Variants in MYO3A observed in about 807,000 individuals in gnomAD.
The protein encoded by MYO3A is myosin-IIIa.
MYO3A carries 180 observed loss-of-function variants against 192.7 expected under a neutral mutation model. The ratio of observed to expected loss-of-function variants is 0.93; its 90% CI spans 0.83 to 1.06. The LOEUF (loss-of-function observed/expected upper bound fraction) is 1.06, where lower values mean the gene tolerates loss of function less well. MYO3A is among the 50% of genes least tolerant of loss of function. The probability of loss-of-function intolerance (pLI) is 0.00; values close to 1 mark genes in which losing one functional copy is unlikely to be tolerated. For missense variants in MYO3A, 1,896 were observed against 1,905.0 expected, an observed-to-expected ratio of 1.00 and a Z score of 0.09; for synonymous variants, 628 against 645.3, an observed-to-expected ratio of 0.97 and a Z score of 0.41.
At position 26,089,881 on chromosome 10, in the gene MYO3A, A is replaced by G. The variant is rs188849230; in HGVS notation, c.1562+1476A>G. Among the ~76,000 whole-genome samples the G allele has an allele frequency of 1.6e-3, 246 of 152,308 alleles. 2 individuals carry two copies. Among genetic ancestry groups the G allele is most frequent in the South Asian group, 7.1e-3 (34 of 4,820 alleles). On this transcript the variant is annotated intron_variant, in intron 15 of 34. Transcript: ENST00000642920. ...ATGAATGGCATATATTAAGAACCCC[A>G]TAAGTTTAAGCCATTAGTAGTAATA... is the stretch of plus-strand genomic sequence containing the variant.
chr10:26,028,014 A>G (rs1842633560), intron 10 of MYO3A, among the ~76,000 whole-genome samples: 1 of 152,200 alleles, frequency 6.6e-6, no homozygotes, highest in South Asian at 2.1e-4. Flanking sequence ...CCAGAAACAT[A>G]TCACTATTTA....
chr10:26,008,858 C>T (rs1356693399), intron 6 of MYO3A, among the ~76,000 whole-genome samples: 2 of 151,838 alleles, frequency 1.3e-5, no homozygotes, highest in African/African-American at 2.4e-5. Context: ...TACCATTTGA[C>T]CCAGCCATCC....
chr10:26,155,764 T>A (rs1841074578), intron 25 of MYO3A, among the ~76,000 whole-genome samples: 1 of 152,238 alleles, frequency 6.6e-6, no homozygotes, highest in African/African-American at 2.4e-5. Context: ...CATTTCACTT[T>A]ACATCAGAAA....
chr10:26,173,760 A>G lies in MYO3A; in HGVS notation c.3496A>G (p.Thr1166Ala), dbSNP rs1448231554. Residue 1166 changes from threonine (T) to alanine (A), a missense_variant, in exon 30 of 35, where the codon ACT becomes GCT. Transcript: ENST00000642920. ...NNKGSVSVVKTSTFKPEEETT... is the reference protein window; with the variant it reads ...NNKGSVSVVKASTFKPEEETT... ...TAAAGGAAGTGTATCTGTAGTGAAG[A>G]CTTCCACTTTCAAACCTGAAGAGGA... is the stretch of plus-strand genomic sequence containing the variant. The G allele has an allele frequency of 6.2e-7, 1 of 1,614,124 alleles. No individual in the cohort carries two copies. Among genetic ancestry groups the G allele is most frequent in the Admixed American group, 1.7e-5 (1 of 60,036 alleles).
chr10:26,107,647 G>A (rs1450980358), intron 17 of MYO3A, among the ~76,000 whole-genome samples: 1 of 151,806 alleles, frequency 6.6e-6, no homozygotes, highest in African/African-American at 2.4e-5. Flanking sequence ...AAATTATCAT[G>A]AAATCTTATG....
intron 14 of MYO3A, among the ~76,000 whole-genome samples, chr10:26,082,187 G>T (rs527334302): frequency 2.0e-4 from 31 of 152,102 alleles, no homozygotes; most frequent in Middle Eastern, 6.8e-3. Flanking sequence ...TGAGTAGTAT[G>T]GATATTTTAA....
At chr10:26,205,307 T>C (rs1843861237) in intron 34 of MYO3A, among the ~76,000 whole-genome samples, 1 of 152,134 alleles carries the variant, frequency 6.6e-6, no homozygotes, top group African/African-American at 2.4e-5. Context: ...ACACAATACA[T>C]TTCTATTAAC....
intron 34 of MYO3A, 67 bp from the exon 35 acceptor site, chr10:26,211,776 G>C: frequency 6.2e-7 from 1 of 1,602,862 alleles, no homozygotes; most frequent in Non-Finnish European, 8.5e-7. Context: ...CGCCTAACTC[G>C]GGGTAGGTGG....
intron 6 of MYO3A, among the ~76,000 whole-genome samples, chr10:26,010,459 T>TG (rs1212451670): frequency 9.7e-5 from 14 of 143,724 alleles, no homozygotes; most frequent in African/African-American, 3.6e-4. Flanking sequence ...TGTTTTTTTT[T>TG]TTTTTTTTTT....
chr10:26,173,861 G>C lies in MYO3A; in HGVS notation c.3597G>C (p.Glu1199Asp). 1 of 1,613,772 alleles carries C rather than the reference G, an allele frequency of 6.2e-7. No homozygotes were observed. Among genetic ancestry groups the C allele is most frequent in the Non-Finnish European group, 8.5e-7 (1 of 1,179,930 alleles). Residue 1199 changes from glutamate (E) to aspartate (D), a missense_variant, in exon 30 of 35, where the codon GAG (glutamate) becomes GAC (aspartate). Transcript: ENST00000642920. Reference protein sequence around the residue: ...PKKMNNVYEEEVKQEFYLVGP... With the variant: ...PKKMNNVYEEDVKQEFYLVGP... The stretch of plus-strand genomic sequence containing the variant: ...AAATGAATAATGTGTATGAGGAAGA[G>C]GTTAAGCAAGAATTCTACCTTGTAG...
intron 4 of MYO3A, among the ~76,000 whole-genome samples, chr10:25,995,293 G>A (rs111674158): frequency 0.043 from 6,567 of 152,210 alleles, 181 homozygotes; most frequent in Middle Eastern, 0.068. Context: ...CCAGTTGATC[G>A]AATCAGTTGC....
chr10:26,125,517 AG>A lies in MYO3A; in HGVS notation c.2026del (p.Asp676MetfsTer15), dbSNP rs1564573624. Reference protein sequence around the residue: ...PNTVEKATDVRDAMAKTLYGR... With the variant: ...PNTVEKATDVXDAMAKTLYGR... Reference sequence around the variant, plus strand: ...TACTGTAGAAAAAGCTACCGATGTCAGGGATGCCATGGCTAAAACTTTATAT... The same window carrying A: ...TACTGTAGAAAAAGCTACCGATGTCAGGATGCCATGGCTAAAACTTTATAT... On this transcript the variant is annotated frameshift_variant, in exon 19 of 35. Transcript: ENST00000642920. LOFTEE classifies it high-confidence loss of function. The A allele has an allele frequency of 1.2e-6, 2 of 1,613,984 alleles. No individual in the cohort carries two copies. The highest frequency in any genetic ancestry group is 1.7e-5 in the Admixed American group (1 of 60,014).
chr10:26,091,217 C>T (rs912054822), intron 15 of MYO3A, among the ~76,000 whole-genome samples: 3 of 152,110 alleles, frequency 2.0e-5, no homozygotes, highest in African/African-American at 7.2e-5. Flanking sequence ...AATGAACTCA[C>T]CCTTTCTTTT....
intron 31 of MYO3A, among the ~76,000 whole-genome samples, chr10:26,191,764 G>A (rs576506252): frequency 1.6e-4 from 25 of 152,296 alleles, no homozygotes; most frequent in African/African-American, 6.0e-4. Context: ...TTCACCCTCG[G>A]TTGAAGCTGA....
intron 4 of MYO3A, among the ~76,000 whole-genome samples, chr10:25,970,751 T>C (rs185044346): frequency 1.5e-4 from 23 of 152,096 alleles, no homozygotes; most frequent in African/African-American, 4.3e-4. Context: ...AAAATTATTA[T>C]TGAATTTATA....
At chr10:25,980,709 T>C (rs1198819715) in intron 4 of MYO3A, among the ~76,000 whole-genome samples, 1 of 152,180 alleles carries the variant, frequency 6.6e-6, no homozygotes, top group East Asian at 1.9e-4. Flanking sequence ...AGCAACTGTG[T>C]TTTTAAAACA....
At chr10:26,104,278 C>G (rs1837653567) in intron 17 of MYO3A, among the ~76,000 whole-genome samples, 1 of 152,072 alleles carries the variant, frequency 6.6e-6, no homozygotes, top group Non-Finnish European at 1.5e-5. Flanking sequence ...TCCAAGGTCA[C>G]AAAGATTTAT....
rs142160381 is a variant in MYO3A at position 26,090,305 on chromosome 10, C to T, written c.1562+1900C>T. ...ACATGAACAGAACACTCTGGAGTTA[C>T]ACAATGAGGCCCTGAGCTTGTAACC... On this transcript the variant is annotated intron_variant, in intron 15 of 34. Transcript: ENST00000642920. Among the ~76,000 whole-genome samples the T allele has an allele frequency of 2.4e-4, 36 of 152,296 alleles. No homozygotes were observed. The East Asian group carries it at 4.0e-3, about 17-fold the overall frequency.
chr10:26,052,879 C>A (rs553004656), intron 10 of MYO3A, among the ~76,000 whole-genome samples: 1 of 151,964 alleles, frequency 6.6e-6, no homozygotes, highest in Admixed American at 6.6e-5. Context: ...CTATATTAAC[C>A]ACCCCTAAGG....
Sources: allele counts gnomAD v4.1 joint callset (sites outside exome capture counted in the v4.1 genomes callset), GRCh38; gene constraint gnomAD v4.1.1; transcripts MANE v1.5; gene names NCBI Gene and HGNC (gene_info 2026-07-23, HGNC 2026-07-21).